Variants in DLGAP1 observed in about 807,000 individuals in gnomAD.
DLGAP1 encodes the protein disks large-associated protein 1.
DLGAP1 carries 11 observed loss-of-function variants against 90.8 expected under a neutral mutation model. The ratio of observed to expected loss-of-function variants is 0.12; its 90% confidence interval spans 0.08 to 0.20. The LOEUF is 0.20. Among genes scored for constraint, DLGAP1 ranks in the 10% least tolerant of loss-of-function variants. DLGAP1 has a pLI of 1.00. For missense variants in DLGAP1, 1,050 were observed against 1,333.8 expected, an observed-to-expected ratio of 0.79 and a Z score of 3.31; for synonymous variants, 558 against 540.7, an observed-to-expected ratio of 1.03 and a Z score of -0.44.
chr18:4,391,250 C>CCGGGT (rs1307675529), intron 1 of DLGAP1, among the ~76,000 whole-genome samples: 3 of 152,176 alleles, frequency 2.0e-5, no homozygotes, highest in African/African-American at 7.2e-5. Context: ...GGAAACTCAA[C>CCGGGT]CGGGTCACTT....
intron 1 of DLGAP1, among the ~76,000 whole-genome samples, chr18:4,253,329 G>C (rs2078821958): frequency 6.6e-6 from 1 of 152,174 alleles, no homozygotes. Context: ...ATAAGTTTCA[G>C]TGAGAAAAGG....
intron 1 of DLGAP1, among the ~76,000 whole-genome samples, chr18:4,351,330 C>T (rs1189929232): frequency 2.5e-4 from 38 of 151,878 alleles, no homozygotes; most frequent in Admixed American, 2.0e-3. Flanking sequence ...AAATTAAGCG[C>T]AACATATTTG....
At chr18:4,168,199 T>C (rs1224359453) in intron 1 of DLGAP1, among the ~76,000 whole-genome samples, 1 of 152,178 alleles carries the variant, frequency 6.6e-6, no homozygotes, top group Non-Finnish European at 1.5e-5. Context: ...GATAAGTAGC[T>C]GTAGTAATCA....
chr18:4,186,407 G>A (rs987506633), intron 1 of DLGAP1, among the ~76,000 whole-genome samples: 8 of 151,916 alleles, frequency 5.3e-5, no homozygotes, highest in African/African-American at 1.9e-4. Flanking sequence ...TTATAGTTTT[G>A]GCTTTTACAT....
At chr18:4,339,841 AAAG>A (rs2081151170) in intron 1 of DLGAP1, among the ~76,000 whole-genome samples, 1 of 152,226 alleles carries the variant, frequency 6.6e-6, no homozygotes, top group African/African-American at 2.4e-5. Flanking sequence ...ACAAAAAGTG[AAAG>A]AAGATATGCT....
chr18:3,507,818 C>A (rs546079060), intron 11 of DLGAP1, among the ~76,000 whole-genome samples: 1 of 135,456 alleles, frequency 7.4e-6, no homozygotes, highest in South Asian at 2.6e-4. Flanking sequence ...CTCGCTGCAA[C>A]CTCCGCCTCC....
chr18:3,622,653 GT>G (rs2058137991), intron 7 of DLGAP1, among the ~76,000 whole-genome samples: 1 of 152,138 alleles, frequency 6.6e-6, no homozygotes, highest in Non-Finnish European at 1.5e-5. Context: ...GAAGGGGGCT[GT>G]TTCCTCTCAT....
chr18:3,536,175 T>TTTCC (rs202168586), intron 9 of DLGAP1, among the ~76,000 whole-genome samples: 9 of 151,838 alleles, frequency 5.9e-5, no homozygotes, highest in South Asian at 2.1e-4. Flanking sequence ...TCTTTCTTTC[T>TTTCC]TTCCTTCCTT....
At chr18:3,603,114 A>G (rs474122) in intron 7 of DLGAP1, 104,617 of 152,034 alleles carry the variant, frequency 0.69, 36,632 homozygotes, top group Non-Finnish European at 0.74. Context: ...TGGATCAAGG[A>G]GAGGGAAGCG....
At chr18:3,978,491 T>A (rs188042707) in intron 3 of DLGAP1, 1 of 249,466 alleles carries the variant, frequency 4.0e-6, no homozygotes, top group African/African-American at 2.3e-5. Flanking sequence ...GCAGACCATG[T>A]CGTTGAGGTC....
chr18:4,144,498 G>A (rs1191036789), intron 2 of DLGAP1, among the ~76,000 whole-genome samples: 3 of 152,202 alleles, frequency 2.0e-5, no homozygotes, highest in Non-Finnish European at 4.4e-5. Context: ...CAGGGAAGGG[G>A]TGCTGTAGGC....
chr18:4,294,829 T>C (rs2079936914), intron 1 of DLGAP1: 1 of 152,238 alleles, frequency 6.6e-6, no homozygotes, highest in Admixed American at 6.6e-5. Flanking sequence ...CTCAGCAGGA[T>C]AGATGGGAAA....
chr18:3,602,973 T>G (rs990404824), intron 7 of DLGAP1: 7 of 152,244 alleles, frequency 4.6e-5, no homozygotes, highest in African/African-American at 1.7e-4. Context: ...TAATTAAGAT[T>G]GCTGTTGCCG....
intron 1 of DLGAP1, among the ~76,000 whole-genome samples, chr18:4,175,943 G>A (rs2139873): frequency 0.38 from 57,621 of 152,056 alleles, 11,234 homozygotes; most frequent in East Asian, 0.69. Flanking sequence ...ATTTAAAGTA[G>A]TTTTCTCTAA....
At chr18:4,271,064 C>G (rs663289) in intron 1 of DLGAP1, among the ~76,000 whole-genome samples, 1 of 152,054 alleles carries the variant, frequency 6.6e-6, no homozygotes, top group Non-Finnish European at 1.5e-5. Context: ...CAGAAGCCAG[C>G]TGATTCACAA....
chr18:4,382,112 T>C (rs1390306639), intron 1 of DLGAP1, among the ~76,000 whole-genome samples: 3 of 152,200 alleles, frequency 2.0e-5, no homozygotes, highest in Non-Finnish European at 2.9e-5. Flanking sequence ...GGAATTACAA[T>C]ACAAGATGAG....
chr18:4,314,585 T>C (rs1451616198), intron 1 of DLGAP1, among the ~76,000 whole-genome samples: 3 of 152,174 alleles, frequency 2.0e-5, no homozygotes, highest in Non-Finnish European at 4.4e-5. Context: ...ACAGCATGTA[T>C]CTCTCTAAAA....
chr18:3,963,941 T>C (rs1206590694), intron 3 of DLGAP1, among the ~76,000 whole-genome samples: 1 of 152,238 alleles, frequency 6.6e-6, no homozygotes, highest in Non-Finnish European at 1.5e-5. Flanking sequence ...TTTGGATGCA[T>C]TGGCTTAAAC....
chr18:3,616,331 T>C (rs2057863200), intron 7 of DLGAP1, among the ~76,000 whole-genome samples: 1 of 152,196 alleles, frequency 6.6e-6, no homozygotes, highest in Non-Finnish European at 1.5e-5. Flanking sequence ...TCTATCACTG[T>C]GGCACAGCCC....
Sources: allele counts gnomAD v4.1 joint callset (sites outside exome capture counted in the v4.1 genomes callset), GRCh38; gene constraint gnomAD v4.1.1; transcripts MANE v1.5; gene names NCBI Gene and HGNC (gene_info 2026-07-23, HGNC 2026-07-21).